ATP2C1: variants seen among roughly 807,000 people sequenced by gnomAD.
ATP2C1 encodes ATPase secretory pathway Ca2+ transporting 1, also known as calcium-transporting ATPase type 2C member 1.
In ATP2C1, 31 loss-of-function variants were observed where a neutral mutation model predicts 120.5. The observed-to-expected ratio is 0.26, with a 90% CI of 0.19 to 0.35. The LOEUF is 0.35. Among genes scored for constraint, ATP2C1 ranks in the 10% least tolerant of loss-of-function variants. The pLI, the probability that ATP2C1 is intolerant of heterozygous loss-of-function variation, is 1.00. For missense variants in ATP2C1, 731 were observed against 1,107.5 expected (o/e 0.66, Z 4.83); for synonymous variants, 351 against 358.7 (o/e 0.98, Z 0.24).
chr3:130,963,228 A>G (rs1214610971), intron 12 of ATP2C1: 1 of 152,040 alleles, frequency 6.6e-6, no homozygotes, highest in East Asian at 1.9e-4. Context: ...AATGTTTTAC[A>G]ACTGTTAACC....
intron 2 of ATP2C1, among the ~76,000 whole-genome samples, chr3:130,895,997 A>G (rs771049267): frequency 3.9e-5 from 6 of 152,206 alleles, no homozygotes; most frequent in Non-Finnish European, 7.3e-5. Context: ...GTGATAAGGA[A>G]AGTCACTTTT....
At chr3:130,852,345 T>C (rs1455487643) in intron 1 of ATP2C1, among the ~76,000 whole-genome samples, 1 of 152,192 alleles carries the variant, frequency 6.6e-6, no homozygotes, top group African/African-American at 2.4e-5. Flanking sequence ...GTGATTTTTT[T>C]TTTCTCAGTA....
At chr3:130,905,829 A>G (rs567961943) in intron 2 of ATP2C1, among the ~76,000 whole-genome samples, 10 of 152,156 alleles carry the variant, frequency 6.6e-5, no homozygotes, top group South Asian at 2.1e-4. Context: ...TGCTTTGGCA[A>G]TCATTCTCTT....
At chr3:131,011,109 C>A (rs2063301970) in intron 26 of ATP2C1, among the ~76,000 whole-genome samples, 1 of 152,102 alleles carries the variant, frequency 6.6e-6, no homozygotes, top group Admixed American at 6.5e-5. Context: ...ATTCTAAGGG[C>A]TTTTTAGCTA....
intron 2 of ATP2C1, among the ~76,000 whole-genome samples, chr3:130,926,539 T>G (rs2059214380): frequency 6.6e-6 from 1 of 152,258 alleles, no homozygotes; most frequent in South Asian, 2.1e-4. Flanking sequence ...CTCATTTCTA[T>G]AAATATGTAG....
At chr3:131,014,512 T>C (rs2063495926) in intron 26 of ATP2C1, 2 of 895,078 alleles carry the variant, frequency 2.2e-6, no homozygotes, top group Non-Finnish European at 3.3e-6. Flanking sequence ...TATAATATTA[T>C]CGAAATTACT....
At chr3:130,880,707 A>T (rs552346067) in intron 1 of ATP2C1, among the ~76,000 whole-genome samples, 1 of 152,316 alleles carries the variant, frequency 6.6e-6, no homozygotes, top group African/African-American at 2.4e-5. Flanking sequence ...ATCTATTTCA[A>T]AAACCATCTC....
At chr3:130,921,280 C>G (rs1268215636) in intron 2 of ATP2C1, among the ~76,000 whole-genome samples, 2 of 152,020 alleles carry the variant, frequency 1.3e-5, no homozygotes, top group African/African-American at 2.4e-5. Flanking sequence ...TGGGGTTTCA[C>G]CATGTTGGCT....
intron 1 of ATP2C1, among the ~76,000 whole-genome samples, chr3:130,855,180 G>A (rs1342869851): frequency 6.6e-6 from 1 of 151,984 alleles, no homozygotes; most frequent in Non-Finnish European, 1.5e-5. Context: ...TCCAATTCGT[G>A]TCTCCATGTT....
At chr3:130,940,755 A>G (rs201326242) in intron 7 of ATP2C1, 64 bp downstream of exon 7, 26 of 1,197,788 alleles carry the variant, frequency 2.2e-5, no homozygotes, top group Non-Finnish European at 3.0e-5. Flanking sequence ...TGTGACTAGT[A>G]CCGTACATAT....
At chr3:130,993,908 C>G (rs760308336) in intron 21 of ATP2C1, 24 bp from the exon 22 acceptor site, 1 of 1,613,780 alleles carries the variant, frequency 6.2e-7, no homozygotes, top group Admixed American at 1.7e-5. Flanking sequence ...TCCTTCCTCT[C>G]CCCTGTCCTC....
intron 26 of ATP2C1, among the ~76,000 whole-genome samples, chr3:130,998,920 G>C (rs902939858): frequency 1.3e-5 from 2 of 152,022 alleles, no homozygotes; most frequent in Non-Finnish European, 2.9e-5. Flanking sequence ...AGAGCTTTAT[G>C]GTACTTTTTT....
Position 130,977,774 on chromosome 3 carries a change from A to G in ATP2C1, c.1571-1475A>G, listed in dbSNP as rs146808380. ...GCTTCATGTCTTTTCTTCTTTATCT[A>G]CCCTTGTGCTCCACTTCCATCCTCC... is the stretch of plus-strand genomic sequence containing the variant. On this transcript the variant is annotated intron_variant, in intron 18 of 27. Transcript: ENST00000510168. Among the ~76,000 whole-genome samples, 481 of 152,150 alleles carry G rather than the reference A, an allele frequency of 3.2e-3. 1 individual carries two copies. Among genetic ancestry groups the G allele is most frequent in the Middle Eastern group, 0.01 (3 of 294 alleles).
chr3:130,910,167 C>G (rs988743655), intron 2 of ATP2C1, among the ~76,000 whole-genome samples: 22 of 151,958 alleles, frequency 1.4e-4, no homozygotes, highest in Admixed American at 1.4e-3. Flanking sequence ...CTTCACATCC[C>G]TTGTAAGCTG....
At chr3:130,941,762 T>A (rs894434590) in intron 8 of ATP2C1, 63 bp downstream of exon 8, 15 of 1,306,950 alleles carry the variant, frequency 1.1e-5, no homozygotes, top group Non-Finnish European at 1.6e-5. Context: ...GGATAAACAT[T>A]ACTAGTTTTA....
At chr3:130,919,500 T>A (rs2058853554) in intron 2 of ATP2C1, among the ~76,000 whole-genome samples, 1 of 152,156 alleles carries the variant, frequency 6.6e-6, no homozygotes, top group Admixed American at 6.5e-5. Flanking sequence ...ATTACAGGCA[T>A]GAGCTACCAC....
At chr3:130,932,690 G>T (rs1203210535) in intron 4 of ATP2C1, among the ~76,000 whole-genome samples, 1 of 152,002 alleles carries the variant, frequency 6.6e-6, no homozygotes, top group Non-Finnish European at 1.5e-5. Context: ...CTTTTATCTT[G>T]ATAACGATTG....
Position 130,900,569 on chromosome 3 carries a change from G to T in ATP2C1, c.6+5794G>T, listed in dbSNP as rs546167597. 5.9e-5 allele frequency among the ~76,000 whole-genome samples: 9 copies of T among 152,220 alleles called. No homozygotes were observed. The South Asian group carries it at 1.4e-3, about 25-fold the overall frequency. ...GAAATATTTAGGATGTCACTCATCA[G>T]ACTTTTTTTTTGAATATGTAAATGT... On this transcript the variant is annotated intron_variant, in intron 2 of 27. Coordinates refer to ENST00000510168, the MANE Select transcript of ATP2C1 (RefSeq NM_001378687.1).
At chr3:130,971,592 G>C (rs923930102) in intron 17 of ATP2C1, among the ~76,000 whole-genome samples, 6 of 152,000 alleles carry the variant, frequency 3.9e-5, no homozygotes, top group African/African-American at 1.5e-4. Flanking sequence ...TTACTAACAA[G>C]GAATAAAAGA....
Sources: gnomAD v4.1 joint callset for allele counts (sites outside exome capture counted in the v4.1 genomes callset) on GRCh38, gnomAD v4.1.1 for gene constraint, MANE v1.5 for transcripts, NCBI Gene and HGNC (gene_info 2026-07-23, HGNC 2026-07-21) for gene names.